Variants in SHANK2 observed in about 807,000 individuals in gnomAD.
The protein encoded by SHANK2 is SH3 and multiple ankyrin repeat domains protein 2.
A neutral mutation model predicts 133.7 loss-of-function variants in SHANK2; 43 were observed. That is an observed-to-expected ratio of 0.32 (90% CI 0.25 to 0.41). The LOEUF is 0.41. Among genes scored for constraint, SHANK2 ranks in the 10% least tolerant of loss-of-function variants. SHANK2 has a pLI of 1.00. For missense variants in SHANK2, 1,994 were observed against 2,235.8 expected (o/e 0.89, Z 2.18); for synonymous variants, 1,017 against 952.8 (o/e 1.07, Z -1.24).
intron 13 of SHANK2, among the ~76,000 whole-genome samples, chr11:70,802,903 C>A (rs1555050851): frequency 1.3e-5 from 2 of 152,204 alleles, no homozygotes; most frequent in Non-Finnish European, 1.5e-5. Context: ...GGCCACGAAC[C>A]CTCAGGGGTT....
intron 2 of SHANK2, among the ~76,000 whole-genome samples, chr11:71,209,598 T>A (rs567410717): frequency 1.3e-5 from 2 of 152,212 alleles, no homozygotes; most frequent in African/African-American, 4.8e-5. Flanking sequence ...AGTGAACTTC[T>A]GGGAGAGCTG....
intron 1 of SHANK2, among the ~76,000 whole-genome samples, chr11:71,248,512 C>T (rs1220740179): frequency 2.6e-5 from 4 of 152,230 alleles, no homozygotes; most frequent in Non-Finnish European, 5.9e-5. Context: ...GAGCTTCAAG[C>T]TTCTGATCTG....
rs1438706843 is a variant in SHANK2 at position 71,167,523 on chromosome 11, C to T, written c.-12-20185G>A. Among the ~76,000 whole-genome samples, 62 of 108,510 alleles carry T rather than the reference C, an allele frequency of 5.7e-4. 2 individuals carry two copies. The highest frequency in any genetic ancestry group is 2.1e-3 in the Admixed American group (24 of 11,636). 71.2% of individuals were successfully genotyped at this position (108,510 alleles called of 152,430 possible). A position where few individuals can be genotyped will look rare whatever the true frequency, so the allele number is the denominator to read the frequency against. ...GGCGCCCCTCACCTCCCAGACAGGG[C>T]GGCTGGCCGGGCGGGGGGCTGACCC... On this transcript the variant is annotated intron_variant, in intron 2 of 25. Coordinates refer to ENST00000601538, the MANE Select transcript of SHANK2 (RefSeq NM_012309.5).
At chr11:70,505,111 G>C (rs2059118216) in intron 17 of SHANK2, among the ~76,000 whole-genome samples, 1 of 152,186 alleles carries the variant, frequency 6.6e-6, no homozygotes. Flanking sequence ...TAAGAAGGCA[G>C]AACCAAGTAA....
At chr11:71,169,438 A>C (rs79351330) in intron 2 of SHANK2, among the ~76,000 whole-genome samples, 2 of 152,178 alleles carry the variant, frequency 1.3e-5, no homozygotes, top group Non-Finnish European at 2.9e-5. Context: ...ATGTATGTAC[A>C]TAAGTCTACA....
chr11:70,585,979 A>G (rs1233778436), intron 17 of SHANK2, among the ~76,000 whole-genome samples: 3 of 152,160 alleles, frequency 2.0e-5, no homozygotes, highest in African/African-American at 7.2e-5. Flanking sequence ...GAACTGTTTA[A>G]TGACAACCTC....
rs1357010514 is a variant in SHANK2, at chr11:70,569,830, A to C, written c.2062-66899T>G. 8.5e-5 allele frequency among the ~76,000 whole-genome samples: 13 copies of C among 152,066 alleles called. No homozygotes were observed. The highest frequency in any genetic ancestry group is 1.5e-5 in the Non-Finnish European group (1 of 68,006). On this transcript the variant is annotated intron_variant, in intron 17 of 25. Coordinates refer to ENST00000601538, the MANE Select transcript of SHANK2 (RefSeq NM_012309.5). The surrounding 1 kb of genome is among the most constrained non-coding windows in gnomAD (Gnocchi z 5.1). ...CGGAGGGGGTTCCTCAGCCCGGGAA[A>C]AGGCTGAGGCCGGCACAAAGAAGCA...
intron 6 of SHANK2, among the ~76,000 whole-genome samples, chr11:71,096,009 T>C (rs111821918): frequency 1.4e-5 from 2 of 138,926 alleles, no homozygotes; most frequent in East Asian, 1.9e-4. Flanking sequence ...GAATGCCGTG[T>C]GTAGACATGC....
rs113655131 is a variant in SHANK2, at chr11:71,093,605, A to G, written c.744+932T>C. ...TCTGTCTTCCTCCCACTCCGGTCAC[A>G]GGAACTGCCTGCTCCCGCTTCACCT... is the stretch of plus-strand genomic sequence containing the variant. On this transcript the variant is annotated intron_variant, in intron 7 of 25. Coordinates refer to ENST00000601538, the MANE Select transcript of SHANK2 (RefSeq NM_012309.5). Among the ~76,000 whole-genome samples the G allele has an allele frequency of 5.8e-3, 877 of 152,302 alleles. 13 individuals are homozygous for G. The highest frequency in any genetic ancestry group is 0.02 in the African/African-American group (848 of 41,558).
intron 11 of SHANK2, among the ~76,000 whole-genome samples, chr11:70,821,880 G>C (rs1555056018): frequency 6.6e-6 from 1 of 152,166 alleles, no homozygotes; most frequent in African/African-American, 2.4e-5. Flanking sequence ...GGAAGCAGGG[G>C]CTGGGCACCC....
chr11:71,107,952 G>A (rs782530023), intron 6 of SHANK2, among the ~76,000 whole-genome samples: 46 of 152,332 alleles, frequency 3.0e-4, no homozygotes, highest in Admixed American at 1.2e-3. Context: ...AGGCGAGACA[G>A]AGAGCCACGC....
rs1322463558 is a variant in SHANK2 at position 70,807,659 on chromosome 11, G to A, written c.1494-488C>T. ...AGCACGGCCAACATGGTGAAACCTC[G>A]TTGGTACTAAAAATTCAAAAAATAG... On this transcript the variant is annotated intron_variant, in intron 12 of 25. Transcript: ENST00000601538. The surrounding 1 kb of genome is among the most constrained non-coding windows in gnomAD (Gnocchi z 4.8). 6.6e-6 allele frequency among the ~76,000 whole-genome samples: 1 copy of A among 152,124 alleles called. No individual in the cohort carries two copies. Among genetic ancestry groups the A allele is most frequent in the Non-Finnish European group, 1.5e-5 (1 of 68,038 alleles).
intron 12 of SHANK2, among the ~76,000 whole-genome samples, chr11:70,816,398 C>T (rs925976369): frequency 1.2e-4 from 19 of 152,228 alleles, no homozygotes; most frequent in Admixed American, 1.1e-3. Flanking sequence ...AGCTGCTCCA[C>T]CCTTCAGACA....
chr11:70,534,909 A>C (rs546098266), intron 17 of SHANK2, among the ~76,000 whole-genome samples: 1 of 151,806 alleles, frequency 6.6e-6, no homozygotes, highest in Non-Finnish European at 1.5e-5. Flanking sequence ...GGCCCAACAG[A>C]GATGAGGATA....
intron 14 of SHANK2, among the ~76,000 whole-genome samples, chr11:70,755,073 CTT>C (rs1190667411): frequency 1.7e-4 from 25 of 145,592 alleles, no homozygotes; most frequent in African/African-American, 5.8e-4. Flanking sequence ...TGTTCATAAT[CTT>C]TTTTTTTTTT....
chr11:70,812,150 C>A (rs1948293839), intron 12 of SHANK2, among the ~76,000 whole-genome samples: 1 of 152,252 alleles, frequency 6.6e-6, no homozygotes, highest in Non-Finnish European at 1.5e-5. Context: ...GTGCGTGTCA[C>A]TTGACAGAGA....
chr11:70,934,665 C>T (rs1950547534), intron 10 of SHANK2, among the ~76,000 whole-genome samples: 1 of 152,178 alleles, frequency 6.6e-6, no homozygotes, highest in African/African-American at 2.4e-5. Flanking sequence ...TTTTATGTCC[C>T]AATGATAAGA....
chr11:70,662,225 G>A, intron 15 of SHANK2: 1 of 202,538 alleles, frequency 4.9e-6, no homozygotes. Flanking sequence ...TCTGCTCCCC[G>A]CACGAGCCGG....
Position 70,469,742 on chromosome 11 carries a change from A to G in SHANK2, c.*3127T>C, listed in dbSNP as rs1331784094. 1 of 152,676 alleles carries G rather than the reference A, an allele frequency of 6.5e-6. No homozygotes were observed. Among genetic ancestry groups the G allele is most frequent in the African/African-American group, 2.4e-5 (1 of 41,476 alleles). The allele number at this position is 152,676 out of a possible 1,614,324, so 9.5% of individuals were successfully genotyped here. ...TGCTTGCTTGTTCAATAACTGAGAA[A>G]AAAATTTACCATTTTATTAACTAAA... On this transcript the variant is annotated 3_prime_UTR_variant, in exon 26 of 26. Coordinates refer to ENST00000601538, the MANE Select transcript of SHANK2 (RefSeq NM_012309.5).
Sources: allele counts gnomAD v4.1 joint callset (sites outside exome capture counted in the v4.1 genomes callset), GRCh38; gene constraint gnomAD v4.1.1; non-coding constraint Gnocchi (gnomAD v3.1); transcripts MANE v1.5; gene names NCBI Gene and HGNC (gene_info 2026-07-23, HGNC 2026-07-21).